The following CSMD1 variants were observed in gnomAD, a reference collection of about 807,000 sequenced individuals.
The protein encoded by CSMD1 is CUB and sushi domain-containing protein 1.
In CSMD1, 213 loss-of-function variants were observed where a neutral mutation model predicts 417.5. The observed-to-expected ratio is 0.51, with a 90% CI of 0.46 to 0.57. The LOEUF (loss-of-function observed/expected upper bound fraction) is 0.57. CSMD1 is among the 20% of genes least tolerant of loss of function. The pLI, the probability that CSMD1 is intolerant of heterozygous loss-of-function variation, is 0.00. For missense variants in CSMD1, 6,923 were observed against 4,529.7 expected (o/e 1.53, Z -15.17); for synonymous variants, 2,862 against 1,736.8 (o/e 1.65, Z -16.11).
At chr8:4,771,675 G>A (rs1209492165) in intron 1 of CSMD1, among the ~76,000 whole-genome samples, 1 of 152,160 alleles carries the variant, frequency 6.6e-6, no homozygotes, top group Non-Finnish European at 1.5e-5. Context: ...CATACGCAAA[G>A]TAAAAACTTC....
chr8:3,248,799 A>C (rs1256924419), intron 26 of CSMD1, among the ~76,000 whole-genome samples: 1 of 151,990 alleles, frequency 6.6e-6, no homozygotes, highest in South Asian at 2.1e-4. Flanking sequence ...ATTTTACCCT[A>C]TTCTCTTGTT....
At chr8:3,605,144 G>A (rs1801549026) in intron 8 of CSMD1, among the ~76,000 whole-genome samples, 1 of 152,118 alleles carries the variant, frequency 6.6e-6, no homozygotes, top group Non-Finnish European at 1.5e-5. Flanking sequence ...ACAGGCGCAT[G>A]CCATGTCTGG....
At chr8:3,948,531 A>T (rs560707630) in intron 5 of CSMD1, among the ~76,000 whole-genome samples, 4 of 152,092 alleles carry the variant, frequency 2.6e-5, no homozygotes, top group South Asian at 2.1e-4. Flanking sequence ...TTTATTTTAT[A>T]TATATTATAT....
At chr8:3,541,671 A>G (rs1798444001) in intron 10 of CSMD1, among the ~76,000 whole-genome samples, 1 of 149,758 alleles carries the variant, frequency 6.7e-6, no homozygotes, top group African/African-American at 2.4e-5. Flanking sequence ...TTTTATTTGG[A>G]CACCCTATAA....
At chr8:4,297,413 G>C (rs1585181695) in intron 3 of CSMD1, among the ~76,000 whole-genome samples, 2 of 152,112 alleles carry the variant, frequency 1.3e-5, no homozygotes, top group African/African-American at 4.8e-5. Flanking sequence ...ACTAAGAAGT[G>C]AATGTTAAAC....
intron 1 of CSMD1, among the ~76,000 whole-genome samples, chr8:4,818,710 T>G (rs1249083788): frequency 6.6e-6 from 1 of 152,226 alleles, no homozygotes; most frequent in Non-Finnish European, 1.5e-5. Flanking sequence ...ACAATCATCA[T>G]GTAGCACAGA....
At chr8:3,382,203 G>A (rs1035001060) in intron 18 of CSMD1, among the ~76,000 whole-genome samples, 2 of 151,812 alleles carry the variant, frequency 1.3e-5, no homozygotes, top group African/African-American at 4.8e-5. Flanking sequence ...AGGTTTTAGT[G>A]AGCCGAGATC....
chr8:4,122,597 G>A (rs1020244143), intron 3 of CSMD1, among the ~76,000 whole-genome samples: 4 of 152,126 alleles, frequency 2.6e-5, no homozygotes, highest in African/African-American at 9.7e-5. Context: ...TACAAAATTA[G>A]GGCTCTTCTG....
At position 4,728,071 on chromosome 8, in the gene CSMD1, T is replaced by C. The variant is rs138606181; in HGVS notation, c.86-90513A>G. 6.6e-3 allele frequency among the ~76,000 whole-genome samples: 972 copies of C among 146,970 alleles called. 5 individuals are homozygous for C. The highest frequency in any genetic ancestry group is 0.04 in the Middle Eastern group (11 of 272). ...GTTATATATAGAGAGATGTAGAATG[T>C]ATATGTTTGTAGGTAAATATGTACA... On this transcript the variant is annotated intron_variant, in intron 1 of 69. Coordinates refer to ENST00000635120, the MANE Select transcript of CSMD1 (RefSeq NM_033225.6).
chr8:3,984,690 T>A lies in CSMD1; in HGVS notation c.818+13213A>T, dbSNP rs111910051. On this transcript the variant is annotated intron_variant, in intron 5 of 69. Coordinates refer to ENST00000635120, the MANE Select transcript of CSMD1 (RefSeq NM_033225.6). The stretch of plus-strand genomic sequence containing the variant: ...AACAGAATGATTTATGGGTTCAGGA[T>A]TCAGTGTATATATCATATATATATA... 8.2e-5 allele frequency among the ~76,000 whole-genome samples: 11 copies of A among 134,708 alleles called. 1 individual carries two copies. The highest frequency in any genetic ancestry group is 3.0e-4 in the African/African-American group (11 of 36,578). The allele number at this position is 134,708 out of a possible 152,430, so 88.4% of individuals were successfully genotyped here.
intron 3 of CSMD1, among the ~76,000 whole-genome samples, chr8:4,244,319 G>T: frequency 6.6e-6 from 1 of 152,154 alleles, no homozygotes; most frequent in South Asian, 2.1e-4. Context: ...CTCCATGCCT[G>T]AAACTTTGCC....
intron 6 of CSMD1, among the ~76,000 whole-genome samples, chr8:3,713,085 C>T (rs1801621816): frequency 6.6e-6 from 1 of 152,044 alleles, no homozygotes; most frequent in Admixed American, 6.6e-5. Flanking sequence ...TATGACGAAT[C>T]TCTTTTCTGA....
At chr8:3,667,841 G>C (rs1047007594) in intron 7 of CSMD1, among the ~76,000 whole-genome samples, 1 of 152,204 alleles carries the variant, frequency 6.6e-6, no homozygotes, top group Non-Finnish European at 1.5e-5. Flanking sequence ...ATCCTGGAGT[G>C]TCTGTATGTT....
At chr8:4,976,600 C>G (rs1239082963) in intron 1 of CSMD1, among the ~76,000 whole-genome samples, 1 of 152,126 alleles carries the variant, frequency 6.6e-6, no homozygotes, top group African/African-American at 2.4e-5. Flanking sequence ...AATTTATAAA[C>G]AGCTTAAAGA....
chr8:4,644,011 A>G (rs991929429), intron 1 of CSMD1, among the ~76,000 whole-genome samples: 1 of 152,150 alleles, frequency 6.6e-6, no homozygotes, highest in Non-Finnish European at 1.5e-5. Flanking sequence ...CTTATGGGAG[A>G]TTACTCACTA....
At chr8:4,341,496 A>G (rs756692486) in intron 3 of CSMD1, among the ~76,000 whole-genome samples, 1 of 152,142 alleles carries the variant, frequency 6.6e-6, no homozygotes, top group Non-Finnish European at 1.5e-5. Flanking sequence ...ACTACTCTGC[A>G]TATCATGAAT....
At chr8:4,957,909 AAGG>A (rs1328530483) in intron 1 of CSMD1, among the ~76,000 whole-genome samples, 2 of 152,186 alleles carry the variant, frequency 1.3e-5, no homozygotes. Context: ...TGGTGTCTGT[AAGG>A]AGAAGTATTT....
chr8:3,288,036 C>G (rs570479022), intron 25 of CSMD1, among the ~76,000 whole-genome samples: 23 of 147,346 alleles, frequency 1.6e-4, no homozygotes, highest in Non-Finnish European at 2.8e-4. Flanking sequence ...TTGTCAAAGG[C>G]CTTTTCTGCA....
intron 26 of CSMD1, among the ~76,000 whole-genome samples, chr8:3,272,057 GT>G (rs533213708): frequency 2.7e-4 from 41 of 150,730 alleles, no homozygotes; most frequent in Non-Finnish European, 5.3e-4. Flanking sequence ...GGTTTTTATG[GT>G]TTTAGGTCTA....
Sources: gnomAD v4.1 joint callset for allele counts (sites outside exome capture counted in the v4.1 genomes callset) on GRCh38, gnomAD v4.1.1 for gene constraint, MANE v1.5 for transcripts, NCBI Gene and HGNC (gene_info 2026-07-23, HGNC 2026-07-21) for gene names.